Variants in EPHA6 observed in about 807,000 individuals in gnomAD.
EPHA6 encodes ephrin type-A receptor 6.
In EPHA6, 50 loss-of-function variants were observed where a neutral mutation model predicts 112.0. That is an observed-to-expected ratio of 0.45 (90% confidence interval 0.36 to 0.56). EPHA6 has a LOEUF of 0.56. Among genes scored for constraint, EPHA6 ranks in the 20% least tolerant of loss-of-function variants. The probability of loss-of-function intolerance (pLI) is 0.00; values close to 1 mark genes in which losing one functional copy is unlikely to be tolerated. For synonymous variants in EPHA6, 529 were observed against 490.7 expected, an observed-to-expected ratio of 1.08 and a Z score of -1.03; for missense variants, 1,280 against 1,417.4, an observed-to-expected ratio of 0.90 and a Z score of 1.56.
At chr3:97,195,578 C>T (rs1016138083) in intron 3 of EPHA6, among the ~76,000 whole-genome samples, 3 of 151,902 alleles carry the variant, frequency 2.0e-5, no homozygotes, top group African/African-American at 7.2e-5. Flanking sequence ...CTTACCGTTA[C>T]CAGTGATTTT....
intron 2 of EPHA6, among the ~76,000 whole-genome samples, chr3:96,956,359 A>G (rs2041758627): frequency 6.6e-6 from 1 of 152,228 alleles, no homozygotes; most frequent in Admixed American, 6.5e-5. Flanking sequence ...GCTATGATCC[A>G]TTGAATTGAC....
chr3:96,994,709 G>GTATATATATATATATATATATA (rs66581386), intron 3 of EPHA6, among the ~76,000 whole-genome samples: 1 of 98,482 alleles, frequency 1.0e-5, no homozygotes, highest in African/African-American at 5.4e-5. Context: ...GTGTGTGTGT[G>GTATATATATATATATATATATA]TATATATATA....
rs986490862 is a variant in EPHA6, at chr3:96,829,632, A to G, written c.385+14624A>G. On this transcript the variant is annotated intron_variant, in intron 1 of 17. Coordinates refer to ENST00000389672, the MANE Select transcript of EPHA6 (RefSeq NM_001080448.3). ...TTCAACAATTAGTGCTTCTTTATATATGCAGCAATTTATGGCAGTATAGGA... is the reference window on the plus strand; with the variant it reads ...TTCAACAATTAGTGCTTCTTTATATGTGCAGCAATTTATGGCAGTATAGGA... Among the ~76,000 whole-genome samples, 7 of 152,072 alleles carry G rather than the reference A, an allele frequency of 4.6e-5. No homozygotes were observed. In the South Asian group the frequency reaches 1.0e-3, roughly 22 times the overall value.
At chr3:97,569,016 G>A (rs1177334616) in intron 11 of EPHA6, among the ~76,000 whole-genome samples, 1 of 152,188 alleles carries the variant, frequency 6.6e-6, no homozygotes, top group Non-Finnish European at 1.5e-5. Context: ...GACACCAAGG[G>A]TAGGAGATTT....
intron 15 of EPHA6, among the ~76,000 whole-genome samples, chr3:97,730,522 A>G (rs2034989169): frequency 6.6e-6 from 1 of 152,102 alleles, no homozygotes; most frequent in Non-Finnish European, 1.5e-5. Context: ...GCCTACAAAT[A>G]TCATAAAACC....
At chr3:96,928,991 A>T (rs2040180729) in intron 2 of EPHA6, among the ~76,000 whole-genome samples, 1 of 152,070 alleles carries the variant, frequency 6.6e-6, no homozygotes, top group Admixed American at 6.5e-5. Flanking sequence ...CAGTCTCAAT[A>T]TTTTGAGCCT....
chr3:97,258,001 T>C (rs1023544948), intron 5 of EPHA6, among the ~76,000 whole-genome samples: 1 of 152,066 alleles, frequency 6.6e-6, no homozygotes, highest in Non-Finnish European at 1.5e-5. Context: ...TTATAGTTGA[T>C]TATTTCTGTA....
At chr3:97,432,057 G>A (rs2089542532) in intron 6 of EPHA6, among the ~76,000 whole-genome samples, 1 of 152,052 alleles carries the variant, frequency 6.6e-6, no homozygotes, top group African/African-American at 2.4e-5. Flanking sequence ...CAAGTTACTG[G>A]CTATATAAAG....
intron 5 of EPHA6, among the ~76,000 whole-genome samples, chr3:97,294,688 T>C (rs2080813137): frequency 6.6e-6 from 1 of 152,198 alleles, no homozygotes; most frequent in Admixed American, 6.5e-5. Context: ...ATTTGTGTGA[T>C]TGCTCTACCA....
At chr3:97,325,197 G>A (rs1171416492) in intron 5 of EPHA6, among the ~76,000 whole-genome samples, 1 of 152,056 alleles carries the variant, frequency 6.6e-6, no homozygotes, top group African/African-American at 2.4e-5. Flanking sequence ...TCATTACTTT[G>A]CTAGGGTTGC....
intron 3 of EPHA6, among the ~76,000 whole-genome samples, chr3:97,004,547 G>C (rs1343965254): frequency 2.0e-5 from 3 of 152,050 alleles, no homozygotes; most frequent in African/African-American, 7.2e-5. Context: ...TTAGACATTT[G>C]TCAGATGAGT....
At chr3:97,641,484 G>A (rs529664705) in intron 14 of EPHA6, among the ~76,000 whole-genome samples, 4 of 152,338 alleles carry the variant, frequency 2.6e-5, no homozygotes, top group Admixed American at 1.3e-4. Flanking sequence ...CTCCCAGCGT[G>A]AGCGACGCAG....
chr3:97,268,681 ATGT>A (rs2079778850), intron 5 of EPHA6, among the ~76,000 whole-genome samples: 2 of 152,136 alleles, frequency 1.3e-5, no homozygotes, highest in Non-Finnish European at 2.9e-5. Context: ...TAGAAAAATG[ATGT>A]TGGTGATATG....
intron 14 of EPHA6, among the ~76,000 whole-genome samples, chr3:97,677,871 G>C (rs1278067378): frequency 2.0e-5 from 3 of 152,080 alleles, no homozygotes; most frequent in Non-Finnish European, 4.4e-5. Context: ...AAGAAGAGGA[G>C]TTAAAAGAAC....
At chr3:97,245,190 A>G (rs1018574830) in intron 5 of EPHA6, among the ~76,000 whole-genome samples, 3 of 152,090 alleles carry the variant, frequency 2.0e-5, no homozygotes, top group African/African-American at 7.2e-5. Flanking sequence ...GCAACAGACA[A>G]TTTATTTTCT....
At chr3:97,004,291 C>T (rs781253163) in intron 3 of EPHA6, among the ~76,000 whole-genome samples, 22 of 152,162 alleles carry the variant, frequency 1.4e-4, no homozygotes, top group Non-Finnish European at 2.6e-4. Context: ...TTCTCCACAG[C>T]CTCACCAGCA....
chr3:97,471,390 T>C (rs1560043428), intron 7 of EPHA6, among the ~76,000 whole-genome samples: 1 of 151,730 alleles, frequency 6.6e-6, no homozygotes, highest in Non-Finnish European at 1.5e-5. Flanking sequence ...TGAAAATCCA[T>C]GAGCACAGTA....
intron 3 of EPHA6, among the ~76,000 whole-genome samples, chr3:97,152,570 A>C (rs2076195864): frequency 6.6e-6 from 1 of 151,936 alleles, no homozygotes; most frequent in Admixed American, 6.6e-5. Context: ...CTAAGGGAAG[A>C]TTCTGTGTGT....
At chr3:97,571,886 A>C (rs2093336216) in intron 11 of EPHA6, among the ~76,000 whole-genome samples, 1 of 152,208 alleles carries the variant, frequency 6.6e-6, no homozygotes, top group African/African-American at 2.4e-5. Context: ...GGTCAATGAA[A>C]CTTGCTGGCA....
Sources: gnomAD v4.1 joint callset for allele counts (sites outside exome capture counted in the v4.1 genomes callset) on GRCh38, gnomAD v4.1.1 for gene constraint, MANE v1.5 for transcripts, NCBI Gene and HGNC (gene_info 2026-07-23, HGNC 2026-07-21) for gene names.